The following AKAP12 variants were observed in gnomAD, a reference collection of about 807,000 sequenced individuals.
AKAP12 encodes the protein A-kinase anchoring protein 12.
Under a neutral mutation model 79.9 loss-of-function variants are expected in AKAP12, and 32 were observed. The observed-to-expected ratio is 0.40, with a 90% confidence interval of 0.30 to 0.54. AKAP12 has a LOEUF of 0.54. AKAP12 is among the 20% of genes least tolerant of loss of function. The probability of loss-of-function intolerance (pLI) is 0.48; values close to 1 mark genes in which losing one functional copy is unlikely to be tolerated. For synonymous variants in AKAP12, 808 were observed against 857.0 expected (o/e 0.94, Z 1.00); for missense variants, 2,074 against 2,177.0 (o/e 0.95, Z 0.94).
At chr6:151,262,316 C>T (rs923386087) in intron 2 of AKAP12, among the ~76,000 whole-genome samples, 5 of 152,182 alleles carry the variant, frequency 3.3e-5, no homozygotes, top group African/African-American at 1.2e-4. Flanking sequence ...TCTGTTCAGT[C>T]AGTGCATGTA....
At chr6:151,324,495 T>A in intron 3 of AKAP12, 5 of 985,424 alleles carry the variant, frequency 5.1e-6, no homozygotes, top group Non-Finnish European at 6.0e-6. Flanking sequence ...ATTCTCCTGT[T>A]CCTCGCCCAC....
chr6:151,324,255 C>G (rs1777467544), intron 3 of AKAP12: 2 of 985,278 alleles, frequency 2.0e-6, no homozygotes, highest in Admixed American at 1.2e-4. Context: ...AGGACAAGGC[C>G]CATCATTCCC....
At chr6:151,345,589 GTT>G in intron 3 of AKAP12, among the ~76,000 whole-genome samples, 1 of 151,012 alleles carries the variant, frequency 6.6e-6, no homozygotes, top group Non-Finnish European at 1.5e-5. Flanking sequence ...GAGGCCAGGA[GTT>G]CTCGAGACCA....
Position 151,325,989 on chromosome 6 carries a change from G to A in AKAP12, c.319+20086G>A, listed in dbSNP as rs1376949003. ...TGAGCGTTTGGTGGGGAGCCCGGGA[G>A]GTCAGTGGCGGGACCGTTATTGGCA... On this transcript the variant is annotated intron_variant, in intron 3 of 4. Coordinates refer to ENST00000402676, the MANE Select transcript of AKAP12 (RefSeq NM_005100.4). 7 of 1,507,330 alleles carry A rather than the reference G, an allele frequency of 4.6e-6. No homozygotes were observed. The Admixed American group carries it at 7.1e-5, about 15-fold the overall frequency. The allele number at this position is 1,507,330 out of a possible 1,614,324, so 93.4% of individuals were successfully genotyped here. A position where few individuals can be genotyped will look rare whatever the true frequency, so the allele number is the denominator to read the frequency against.
At chr6:151,317,301 C>G (rs565099337) in intron 3 of AKAP12, among the ~76,000 whole-genome samples, 1 of 152,348 alleles carries the variant, frequency 6.6e-6, no homozygotes, top group African/African-American at 2.4e-5. Flanking sequence ...CTGCTCTTCT[C>G]TGTTCCCAGG....
rs1317700403 is a variant in AKAP12, at chr6:151,259,470, G to A, written c.162+18746G>A. Among the ~76,000 whole-genome samples, 587 of 93,240 alleles carry A rather than the reference G, an allele frequency of 6.3e-3. 4 individuals are homozygous for A. Among genetic ancestry groups the A allele is most frequent in the African/African-American group, 0.023 (564 of 24,760 alleles). The allele number at this position is 93,240 out of a possible 152,430, so 61.2% of individuals were successfully genotyped here. A position where few individuals can be genotyped will look rare whatever the true frequency, so the allele number is the denominator to read the frequency against. On this transcript the variant is annotated intron_variant, in intron 2 of 4. Transcript: ENST00000402676. Reference sequence around the variant, plus strand: ...TATATATATACACACATATATACATGTATATATATATATACACACACATAT... The same window carrying A: ...TATATATATACACACATATATACATATATATATATATATACACACACATAT...
intron 2 of AKAP12, among the ~76,000 whole-genome samples, chr6:151,277,250 G>A (rs997416972): frequency 3.9e-5 from 6 of 152,188 alleles, no homozygotes; most frequent in Non-Finnish European, 8.8e-5. Context: ...ACTTTTGTCA[G>A]TTATGAATGT....
chr6:151,281,618 T>G (rs2114724978), intron 2 of AKAP12, among the ~76,000 whole-genome samples: 1 of 152,294 alleles, frequency 6.6e-6, no homozygotes. Flanking sequence ...GAATTTTAAG[T>G]CTTGGAATTG....
intron 1 of AKAP12, 104 bp downstream of exon 1, chr6:151,240,163 T>C (rs1318452146): frequency 1.2e-5 from 2 of 168,176 alleles, no homozygotes; most frequent in Admixed American, 6.4e-5. Context: ...CCCGCAGCTC[T>C]AGTCGCCCTG....
At chr6:151,248,806 G>A (rs1009062790) in intron 2 of AKAP12, among the ~76,000 whole-genome samples, 1 of 152,064 alleles carries the variant, frequency 6.6e-6, no homozygotes, top group Non-Finnish European at 1.5e-5. Context: ...TGGCCAACAT[G>A]GTGAAACCCC....
intron 3 of AKAP12, among the ~76,000 whole-genome samples, chr6:151,332,288 G>A (rs1299917766): frequency 2.0e-5 from 3 of 151,980 alleles, no homozygotes; most frequent in East Asian, 1.9e-4. Flanking sequence ...CGCCCGCCTC[G>A]GCCTCCCAAA....
intron 3 of AKAP12, among the ~76,000 whole-genome samples, chr6:151,347,836 A>AGACCAGCCT (rs1778141469): frequency 6.6e-6 from 1 of 151,798 alleles, no homozygotes; most frequent in Non-Finnish European, 1.5e-5. Flanking sequence ...CAGGAGCTCA[A>AGACCAGCCT]GACCAGCCTG....
chr6:151,250,644 T>C (rs12205348), intron 2 of AKAP12, among the ~76,000 whole-genome samples: 76,186 of 149,350 alleles, frequency 0.51, 20,354 homozygotes, highest in Admixed American at 0.61. Flanking sequence ...CTCGCTCTGT[T>C]GCCCAGGCTG....
intron 2 of AKAP12, among the ~76,000 whole-genome samples, chr6:151,289,576 T>TC (rs1582858944): frequency 6.6e-6 from 1 of 152,216 alleles, no homozygotes. Context: ...TCCCTTTTTT[T>TC]CTCAGTAGAG....
At chr6:151,296,752 G>A (rs1776736308) in intron 2 of AKAP12, among the ~76,000 whole-genome samples, 1 of 152,190 alleles carries the variant, frequency 6.6e-6, no homozygotes, top group Non-Finnish European at 1.5e-5. Flanking sequence ...ACTCTAGCCT[G>A]CACTCTAGCC....
intron 3 of AKAP12, among the ~76,000 whole-genome samples, chr6:151,337,707 C>T (rs1434368794): frequency 2.0e-5 from 3 of 151,978 alleles, no homozygotes; most frequent in Non-Finnish European, 1.5e-5. Flanking sequence ...CATCAGTCCA[C>T]GGGTTTCTGT....
At chr6:151,315,998 C>T (rs1366602672) in intron 3 of AKAP12, among the ~76,000 whole-genome samples, 1 of 152,080 alleles carries the variant, frequency 6.6e-6, no homozygotes, top group Non-Finnish European at 1.5e-5. Flanking sequence ...TGAGTTCCTC[C>T]CATTAAACAT....
chr6:151,346,228 C>T (rs1281562259), intron 3 of AKAP12, among the ~76,000 whole-genome samples: 1 of 152,126 alleles, frequency 6.6e-6, no homozygotes, highest in East Asian at 1.9e-4. Context: ...ATACATCTCC[C>T]TCCTACTTCC....
At chr6:151,270,825 C>T (rs1441017000) in intron 2 of AKAP12, among the ~76,000 whole-genome samples, 2 of 151,932 alleles carry the variant, frequency 1.3e-5, no homozygotes, top group African/African-American at 4.8e-5. Flanking sequence ...CTGGTAGTCT[C>T]GTATGCCAAA....
Sources: gnomAD v4.1 joint callset for allele counts (sites outside exome capture counted in the v4.1 genomes callset) on GRCh38, gnomAD v4.1.1 for gene constraint, MANE v1.5 for transcripts, NCBI Gene and HGNC (gene_info 2026-07-23, HGNC 2026-07-21) for gene names.